ZFHX3: variants seen among roughly 807,000 people sequenced by gnomAD.
ZFHX3 encodes the protein zinc finger homeobox 3.
ZFHX3 carries 42 observed loss-of-function variants against 279.1 expected under a neutral mutation model. That is an observed-to-expected ratio of 0.15 (90% CI 0.12 to 0.19). The LOEUF is 0.19. Ranked by LOEUF, ZFHX3 falls within the 10% of genes least tolerant of loss-of-function variation. The pLI is 1.00. For missense variants in ZFHX3, 4,981 were observed against 4,754.0 expected (o/e 1.05, Z -1.40); for synonymous variants, 2,293 against 1,957.8 (o/e 1.17, Z -4.52).
intron 2 of ZFHX3, among the ~76,000 whole-genome samples, chr16:73,679,302 G>C (rs559305546): frequency 6.6e-6 from 1 of 152,144 alleles, no homozygotes; most frequent in Non-Finnish European, 1.5e-5. Flanking sequence ...TCAGAGCATT[G>C]AAAAGTATAT....
intron 7 of ZFHX3, among the ~76,000 whole-genome samples, chr16:73,113,139 G>C (rs1295736523): frequency 6.6e-6 from 1 of 152,064 alleles, no homozygotes; most frequent in Non-Finnish European, 1.5e-5. Flanking sequence ...AGAGGAGTTA[G>C]AGAAAGAGAA....
intron 1 of ZFHX3, among the ~76,000 whole-genome samples, chr16:73,876,480 C>T (rs2029950671): frequency 6.6e-6 from 1 of 152,186 alleles, no homozygotes; most frequent in Admixed American, 6.5e-5. Flanking sequence ...ATAAGATCCA[C>T]ATATGGGGTA....
At chr16:73,804,582 A>T (rs185548822) in intron 1 of ZFHX3, among the ~76,000 whole-genome samples, 1 of 152,260 alleles carries the variant, frequency 6.6e-6, no homozygotes, top group Non-Finnish European at 1.5e-5. Context: ...ACAGCTTAGT[A>T]TCTGGAAACT....
chr16:73,790,292 C>G (rs367576414), intron 1 of ZFHX3, among the ~76,000 whole-genome samples: 8 of 149,856 alleles, frequency 5.3e-5, no homozygotes, highest in African/African-American at 2.0e-4. Context: ...TTTTGGAAAC[C>G]GTCATTATAG....
Position 73,433,905 on chromosome 16 carries a change from T to A in ZFHX3, c.-1291+22098A>T, listed in dbSNP as rs776705581. On this transcript the variant is annotated intron_variant, in intron 3 of 17. Coordinates refer to the ZFHX3 transcript ENST00000641206. The stretch of plus-strand genomic sequence containing the variant: ...AGAGGACGAGGCTGCACTGGGGTTA[T>A]GTCATGGCACAGCCAGAGGGAGAAA... 1.4e-4 allele frequency among the ~76,000 whole-genome samples: 21 copies of A among 152,332 alleles called. No homozygotes were observed. In the Middle Eastern group the frequency reaches 0.017, roughly 123 times the overall value.
At chr16:73,045,417 C>G (rs1354819579) in intron 1 of ZFHX3, among the ~76,000 whole-genome samples, 1 of 152,170 alleles carries the variant, frequency 6.6e-6, no homozygotes, top group Non-Finnish European at 1.5e-5. Context: ...ACTGGGCTGT[C>G]CAATTGGCAC....
intron 5 of ZFHX3, among the ~76,000 whole-genome samples, chr16:73,245,640 G>A (rs919223267): frequency 6.6e-6 from 1 of 152,218 alleles, no homozygotes; most frequent in Admixed American, 6.5e-5. Context: ...TCCTTCTGGG[G>A]AGGCTGTCAT....
At chr16:73,529,298 C>T (rs970436369) in intron 2 of ZFHX3, among the ~76,000 whole-genome samples, 3 of 152,140 alleles carry the variant, frequency 2.0e-5, no homozygotes, top group Non-Finnish European at 4.4e-5. Context: ...CAGATATGCT[C>T]TTAAAATGCC....
rs1286961376 is a variant in ZFHX3 at position 73,004,360 on chromosome 16, A to C, written c.-50+43392T>G. Among the ~76,000 whole-genome samples the C allele has an allele frequency of 4.9e-5, 5 of 101,942 alleles. No homozygotes were observed. In the East Asian group the frequency reaches 8.1e-4, roughly 17 times the overall value. 66.9% of individuals were successfully genotyped at this position (101,942 alleles called of 152,430 possible). A position where few individuals can be genotyped will look rare whatever the true frequency, so the allele number is the denominator to read the frequency against. ...TTTTTTTTTTTTGAGATGGAGTTTC[A>C]CTCTTTCACCCAGGCTGGAGCACAG... On this transcript the variant is annotated intron_variant, in intron 1 of 9. Transcript: ENST00000268489.
intron 1 of ZFHX3, among the ~76,000 whole-genome samples, chr16:73,045,239 T>G (rs1437844980): frequency 6.6e-6 from 1 of 152,214 alleles, no homozygotes; most frequent in Non-Finnish European, 1.5e-5. Context: ...ACATCACCAC[T>G]AGCCCTAGAA....
intron 4 of ZFHX3, among the ~76,000 whole-genome samples, chr16:73,302,031 A>G (rs1044203314): frequency 6.6e-6 from 1 of 152,004 alleles, no homozygotes; most frequent in African/African-American, 2.4e-5. Flanking sequence ...CCCTCTTCTC[A>G]TTCCAGGTAG....
intron 5 of ZFHX3, among the ~76,000 whole-genome samples, chr16:73,144,006 C>T (rs926115112): frequency 1.3e-4 from 20 of 152,144 alleles, no homozygotes; most frequent in Non-Finnish European, 1.2e-4. Flanking sequence ...AGTATCAAGG[C>T]AAATGACACA....
intron 1 of ZFHX3, among the ~76,000 whole-genome samples, chr16:73,717,366 A>G (rs1163741185): frequency 6.6e-6 from 1 of 151,768 alleles, no homozygotes; most frequent in Non-Finnish European, 1.5e-5. Flanking sequence ...CATTTGACTT[A>G]TTCCCTTTGT....
At chr16:72,839,759 G>A (rs948433913) in intron 4 of ZFHX3, among the ~76,000 whole-genome samples, 1 of 151,982 alleles carries the variant, frequency 6.6e-6, no homozygotes, top group Non-Finnish European at 1.5e-5. Context: ...GTCAGAATTG[G>A]GGGTTCATGA....
chr16:72,847,227 G>C (rs1302848223), intron 4 of ZFHX3, among the ~76,000 whole-genome samples: 1 of 152,180 alleles, frequency 6.6e-6, no homozygotes, highest in Non-Finnish European at 1.5e-5. Flanking sequence ...AAATGAATTT[G>C]GTATTGAGGA....
At position 72,797,425 on chromosome 16, in the gene ZFHX3, G is replaced by C. The variant is rs139598608; in HGVS notation, c.5257C>G (p.Gln1753Glu). ...QTLAQAQAQVQAHLQQELQQQ... is the reference protein window; with the variant it reads ...QTLAQAQAQVEAHLQQELQQQ... ...TGCAGCTCCTGCTGCAGGTGAGCTT[G>C]AACTTGAGCCTGGGCCTGGGCCAGC... The change falls in exon 9 of 10, where the codon CAA (glutamine) becomes GAA (glutamate). Residue 1753 changes from glutamine to glutamate, a missense_variant. Physicochemically the swap from Gln to Glu is conservative, Grantham distance 29. Around this residue, in one of 7 missense-constraint regions of ZFHX3, gnomAD observed 1,751 missense variants for 1,770.0 expected, o/e 0.99. Coordinates refer to ENST00000268489, the MANE Select transcript of ZFHX3 (RefSeq NM_006885.4). 3.7e-5 allele frequency: 60 copies of C among 1,612,996 alleles called. No homozygotes were observed. The African/African-American group carries it at 5.6e-4, about 15-fold the overall frequency.
intron 6 of ZFHX3, among the ~76,000 whole-genome samples, chr16:73,133,746 T>C (rs1043115742): frequency 1.3e-5 from 2 of 152,198 alleles, no homozygotes; most frequent in Admixed American, 1.3e-4. Flanking sequence ...TTTTGGGGGT[T>C]CCTGTCCACC....
chr16:73,797,216 A>AAACAAAC (rs559671652), intron 1 of ZFHX3, among the ~76,000 whole-genome samples: 2,871 of 150,928 alleles, frequency 0.019, 69 homozygotes, highest in Admixed American at 0.047. Flanking sequence ...AAAAACAAAC[A>AAACAAAC]AACAACAACA....
intron 5 of ZFHX3, among the ~76,000 whole-genome samples, chr16:73,149,872 G>T (rs1966898279): frequency 6.6e-6 from 1 of 152,286 alleles, no homozygotes; most frequent in East Asian, 1.9e-4. Context: ...AGTGCAGGCA[G>T]GTGTGTCTGG....
Sources: allele counts gnomAD v4.1 joint callset (sites outside exome capture counted in the v4.1 genomes callset), GRCh38; gene constraint gnomAD v4.1.1; regional missense constraint gnomAD v4.1.1; transcripts MANE v1.5; gene names NCBI Gene and HGNC (gene_info 2026-07-23, HGNC 2026-07-21).